The following FDFT1 variants were observed in gnomAD, a reference collection of about 807,000 sequenced individuals.
FDFT1 encodes squalene synthase.
FDFT1 carries 68 observed loss-of-function variants against 46.8 expected under a neutral mutation model. That is an observed-to-expected ratio of 1.45 (90% CI 1.19 to 1.78). The LOEUF (loss-of-function observed/expected upper bound fraction) is 1.78, where lower values mean the gene tolerates loss of function less well. Ranked by LOEUF, FDFT1 falls within the 40% of genes most tolerant of loss-of-function variation. FDFT1 has a pLI of 0.00. For missense variants in FDFT1, 928 were observed against 524.4 expected (o/e 1.77, Z -7.52); for synonymous variants, 351 against 185.1 (o/e 1.90, Z -7.28).
In FDFT1 at chr8:11,803,238, G is replaced by A. The variant is rs576718790; in HGVS notation, c.99+307G>A. 2.3e-4 allele frequency: 321 copies of A among 1,381,706 alleles called. 1 individual carries two copies. In the African/African-American group the frequency reaches 4.4e-3, roughly 19 times the overall value. 85.6% of individuals were successfully genotyped at this position (1,381,706 alleles called of 1,614,324 possible). ...TCGGCGCTTACCGGTATTTTAACCC[G>A]AGGGTTACACATCTGAGGCAATGTG... On this transcript the variant is annotated intron_variant, in intron 1 of 7. Coordinates refer to ENST00000220584, the MANE Select transcript of FDFT1 (RefSeq NM_004462.5).
At chr8:11,834,178 C>G (rs960413589) in intron 7 of FDFT1, among the ~76,000 whole-genome samples, 3 of 152,126 alleles carry the variant, frequency 2.0e-5, no homozygotes, top group African/African-American at 7.2e-5. Context: ...AAGGGACTTG[C>G]CAGAGGACCT....
chr8:11,796,594 G>A (rs1227417130), intron 1 of FDFT1, among the ~76,000 whole-genome samples: 1 of 152,218 alleles, frequency 6.6e-6, no homozygotes, highest in Non-Finnish European at 1.5e-5. Context: ...GGGGAAGGCT[G>A]CAGCAGTGCT....
At chr8:11,808,241 A>C (rs1807132691) in intron 1 of FDFT1, 1 of 1,193,680 alleles carries the variant, frequency 8.4e-7, no homozygotes, top group Non-Finnish European at 1.0e-6. Flanking sequence ...AGTTTGGTCT[A>C]GGGAGACTCT....
At chr8:11,824,195 T>C (rs1443572633) in intron 4 of FDFT1, among the ~76,000 whole-genome samples, 1 of 152,132 alleles carries the variant, frequency 6.6e-6, no homozygotes, top group East Asian at 1.9e-4. Flanking sequence ...ACTCCAGAGC[T>C]TACCTTCTTT....
chr8:11,821,103 A>G (rs1246562609), intron 3 of FDFT1, among the ~76,000 whole-genome samples: 1 of 152,180 alleles, frequency 6.6e-6, no homozygotes, highest in Non-Finnish European at 1.5e-5. Flanking sequence ...TGTTTGCACA[A>G]ATGAATCTTT....
At position 11,809,295 on chromosome 8, in the gene FDFT1, T is replaced by G. The variant is rs564431702; in HGVS notation, c.198-372T>G. 97 of 1,095,660 alleles carry G rather than the reference T, an allele frequency of 8.9e-5. No individual in the cohort carries two copies. In the African/African-American group the frequency reaches 1.6e-3, roughly 18 times the overall value. The allele number at this position is 1,095,660 out of a possible 1,614,324, so 67.9% of individuals were successfully genotyped here. A position where few individuals can be genotyped will look rare whatever the true frequency, so the allele number is the denominator to read the frequency against. ...TGAACTTAGACCAGTTGCCTTTATG[T>G]ATGATCGTATTTATACTGAGAAGTT... On this transcript the variant is annotated intron_variant, in intron 2 of 7. Transcript: ENST00000220584.
rs562474641 is a variant in FDFT1, at chr8:11,811,079, A to T, written c.381+1229A>T. 8.6e-4 allele frequency among the ~76,000 whole-genome samples: 131 copies of T among 152,334 alleles called. 1 individual carries two copies. The highest frequency in any genetic ancestry group is 2.6e-3 in the African/African-American group (109 of 41,564). ...ACAAATGAGAAGAAAATAGCTGAAG[A>T]ATAATTCGAGTTTATACAGTACAAT... is the stretch of plus-strand genomic sequence containing the variant. On this transcript the variant is annotated intron_variant, in intron 3 of 7. Coordinates refer to ENST00000220584, the MANE Select transcript of FDFT1 (RefSeq NM_004462.5).
chr8:11,834,990 G>C (rs1427144357), intron 7 of FDFT1, among the ~76,000 whole-genome samples: 2 of 152,138 alleles, frequency 1.3e-5, no homozygotes, highest in African/African-American at 4.8e-5. Flanking sequence ...CAGGTGTGGT[G>C]GTGCACACTT....
chr8:11,836,417 G>A (rs60464363), intron 7 of FDFT1, among the ~76,000 whole-genome samples: 1 of 152,202 alleles, frequency 6.6e-6, no homozygotes, highest in African/African-American at 2.4e-5. Flanking sequence ...GGCTTCTGAC[G>A]AGCTGCAGGA....
intron 1 of FDFT1, 99 bp downstream of exon 1, chr8:11,803,030 G>A (rs1428982197): frequency 3.3e-6 from 5 of 1,493,868 alleles, no homozygotes; most frequent in Non-Finnish European, 4.5e-6. Flanking sequence ...CAAGGGGCGC[G>A]GCGAGCAGGG....
rs200916527 is a variant in FDFT1, at chr8:11,821,856, C to G, written c.488C>G (p.Thr163Ser). Residue 163 changes from threonine (T) to serine (S), a missense_variant, in exon 4 of 8, where the codon ACC (threonine) becomes AGC (serine). Physicochemically the swap from Thr to Ser is moderately conservative, Grantham distance 58 (BLOSUM62 1). Transcript: ENST00000220584. ...GCAGAGTTTTTGGATAAGCATGTGACCTCTGAACAGGAGTGGGACAAGGTT... is the reference window on the plus strand; with the variant it reads ...GCAGAGTTTTTGGATAAGCATGTGAGCTCTGAACAGGAGTGGGACAAGGTT... ...GMAEFLDKHV[T>S]SEQEWDKYCH... The G allele has an allele frequency of 6.2e-7, 1 of 1,613,354 alleles. No individual in the cohort carries two copies. The highest frequency in any genetic ancestry group is 2.2e-5 in the East Asian group (1 of 44,862).
chr8:11,803,731 C>G (rs533402323), intron 1 of FDFT1: 1 of 202,388 alleles, frequency 4.9e-6, no homozygotes, highest in Admixed American at 5.5e-5. Context: ...AAATGTGACT[C>G]AGGCCGAGGC....
intron 4 of FDFT1, among the ~76,000 whole-genome samples, chr8:11,824,611 C>G (rs536014645): frequency 6.6e-6 from 1 of 151,602 alleles, no homozygotes; most frequent in East Asian, 1.9e-4. Flanking sequence ...TTTTTTCTCA[C>G]ATGGGCAATG....
At position 11,826,020 on chromosome 8, in the gene FDFT1, A is replaced by T. The variant is rs766086659; in HGVS notation, c.511-4A>T. 1.3e-6 allele frequency: 2 copies of T among 1,548,112 alleles called. No homozygotes were observed. Among genetic ancestry groups the T allele is most frequent in the Non-Finnish European group, 1.8e-6 (2 of 1,135,606 alleles). The stretch of plus-strand genomic sequence containing the variant: ...TAAAGTGCTTTAAAAATCGTCTCTT[A>T]CAGTACTGCCACTATGTTGCTGGGC... On this transcript the variant is annotated splice_region_variant and splice_polypyrimidine_tract_variant and intron_variant, in intron 4 of 7. Transcript: ENST00000220584.
intron 3 of FDFT1, among the ~76,000 whole-genome samples, chr8:11,813,013 T>C (rs552489676): frequency 1.3e-5 from 2 of 149,822 alleles, no homozygotes; most frequent in East Asian, 3.9e-4. Context: ...ACTACAGACG[T>C]AGGCTCTGTG....
intron 5 of FDFT1, among the ~76,000 whole-genome samples, chr8:11,827,247 A>C (rs559590343): frequency 6.6e-6 from 1 of 152,234 alleles, no homozygotes; most frequent in African/African-American, 2.4e-5. Flanking sequence ...CAGGAGTTCA[A>C]GACCAGCCTG....
chr8:11,824,385 C>T (rs543359319), intron 4 of FDFT1, among the ~76,000 whole-genome samples: 23 of 152,244 alleles, frequency 1.5e-4, no homozygotes, highest in African/African-American at 5.3e-4. Context: ...GGGGAAGTTA[C>T]GTTGTCTCTA....
At chr8:11,801,079 A>G (rs1207649490), upstream of FDFT1, among the ~76,000 whole-genome samples, 1 of 152,218 alleles carries the variant, frequency 6.6e-6, no homozygotes, top group Admixed American at 6.5e-5. Context: ...AGGTGGGTCT[A>G]GATGAGGTGT....
intron 4 of FDFT1, among the ~76,000 whole-genome samples, chr8:11,822,281 T>G (rs1009672980): frequency 6.6e-6 from 1 of 152,204 alleles, no homozygotes; most frequent in African/African-American, 2.4e-5. Flanking sequence ...CCAGTCAGAT[T>G]TAGCAGGCAG....
Sources: allele counts gnomAD v4.1 joint callset (sites outside exome capture counted in the v4.1 genomes callset), GRCh38; gene constraint gnomAD v4.1.1; transcripts MANE v1.5; gene names NCBI Gene and HGNC (gene_info 2026-07-23, HGNC 2026-07-21).